The following CENPK variants were observed in gnomAD, a reference collection of about 807,000 sequenced individuals.
CENPK encodes the protein centromere protein K.
A neutral mutation model predicts 40.9 loss-of-function variants in CENPK; 46 were observed. The ratio of observed to expected loss-of-function variants is 1.13; its 90% confidence interval spans 0.89 to 1.44. CENPK has a LOEUF of 1.44. Among genes scored for constraint, CENPK ranks in the 40% most tolerant of loss-of-function variants. CENPK has a pLI of 0.00. For missense variants in CENPK, 288 were observed against 303.5 expected (o/e 0.95, Z 0.38); for synonymous variants, 107 against 104.4 (o/e 1.02, Z -0.15).
At chr5:65,514,077 T>C (rs1309794631), downstream of CENPK, among the ~76,000 whole-genome samples, 1 of 152,068 alleles carries the variant, frequency 6.6e-6, no homozygotes, top group Admixed American at 6.5e-5. Context: ...CTGTGGTGTA[T>C]AGTTTTTTGT....
Position 65,518,301 on chromosome 5 carries a change from A to G in CENPK, c.*174T>C. On this transcript the variant is annotated 3_prime_UTR_variant, in exon 11 of 11. Transcript: ENST00000396679. The stretch of plus-strand genomic sequence containing the variant: ...AAAACACTAAAGCACTCACTGAATA[A>G]GAAATGACCATTTAAAAATGAATAA... 1.7e-6 allele frequency: 1 copy of G among 602,760 alleles called. No individual in the cohort carries two copies. The highest frequency in any genetic ancestry group is 3.8e-4 in the Middle Eastern group (1 of 2,648). 37.3% of individuals were successfully genotyped at this position (602,760 alleles called of 1,614,324 possible).
At chr5:65,550,565 T>C (rs966880072) in intron 5 of CENPK, 1 of 152,182 alleles carries the variant, frequency 6.6e-6, no homozygotes, top group Non-Finnish European at 1.5e-5. Context: ...CAAAGACCAC[T>C]GATCACAGAT....
At chr5:65,516,999 G>A (rs1223977381), downstream of CENPK, among the ~76,000 whole-genome samples, 1 of 151,834 alleles carries the variant, frequency 6.6e-6, no homozygotes, top group Admixed American at 6.6e-5. Flanking sequence ...CTGGAGTGCA[G>A]TGGCGCAATC....
At chr5:65,516,015 A>T (rs965742542), downstream of CENPK, among the ~76,000 whole-genome samples, 1 of 152,230 alleles carries the variant, frequency 6.6e-6, no homozygotes, top group Non-Finnish European at 1.5e-5. Context: ...CAAAGAGAGC[A>T]AGCTTTCTGT....
intron 10 of CENPK, among the ~76,000 whole-genome samples, chr5:65,519,056 A>G (rs533234949): frequency 2.6e-5 from 4 of 152,332 alleles, no homozygotes; most frequent in African/African-American, 9.6e-5. Flanking sequence ...TTCTTCTGAT[A>G]AATCTTTGCA....
intron 9 of CENPK, among the ~76,000 whole-genome samples, chr5:65,522,951 T>G (rs1744046755): frequency 6.6e-6 from 1 of 152,224 alleles, no homozygotes; most frequent in Admixed American, 6.5e-5. Flanking sequence ...AGACAGCTAT[T>G]TTTTCCTTGT....
chr5:65,525,830 C>A (rs1433712811), intron 9 of CENPK, among the ~76,000 whole-genome samples: 5 of 151,856 alleles, frequency 3.3e-5, no homozygotes, highest in Non-Finnish European at 4.4e-5. Context: ...ACACAGTGAG[C>A]AAGTGGTCAC....
the CENPK span, among the ~76,000 whole-genome samples, chr5:65,508,063 T>G: frequency 6.6e-6 from 1 of 152,238 alleles, no homozygotes; most frequent in Non-Finnish European, 1.5e-5. Context: ...AGACATCTGA[T>G]TACCTGTGAT....
chr5:65,512,833 ATCC>A (rs748622810), downstream of CENPK, among the ~76,000 whole-genome samples: 3 of 152,196 alleles, frequency 2.0e-5, no homozygotes, highest in Non-Finnish European at 4.4e-5. Flanking sequence ...GTTGCTCCAC[ATCC>A]TCATCAGCCT....
chr5:65,516,150 GA>G (rs1248321265), downstream of CENPK, among the ~76,000 whole-genome samples: 1 of 152,134 alleles, frequency 6.6e-6, no homozygotes, highest in East Asian at 1.9e-4. Flanking sequence ...TAAATCTGGG[GA>G]AGAGGGGAAC....
intron 2 of CENPK, among the ~76,000 whole-genome samples, chr5:65,560,495 A>G (rs1366642637): frequency 6.6e-6 from 1 of 152,184 alleles, no homozygotes; most frequent in Non-Finnish European, 1.5e-5. Context: ...AATAATTAGT[A>G]AACTTTACGT....
chr5:65,499,050 A>T, the CENPK span, among the ~76,000 whole-genome samples: 1 of 151,450 alleles, frequency 6.6e-6, no homozygotes, highest in Non-Finnish European at 1.5e-5. Context: ...ATAGAGAATG[A>T]GGCCTCCCTT....
intron 6 of CENPK, chr5:65,541,460 G>A (rs1459215475): frequency 2.2e-6 from 1 of 456,170 alleles, no homozygotes; most frequent in Non-Finnish European, 4.4e-6. Context: ...GGTTGCTGGT[G>A]AGAATTCCCC....
downstream of CENPK, among the ~76,000 whole-genome samples, chr5:65,517,497 C>A (rs1408264096): frequency 6.6e-6 from 1 of 152,066 alleles, no homozygotes; most frequent in Non-Finnish European, 1.5e-5. Context: ...TTTGTATTTT[C>A]TACAGAGGGA....
chr5:65,499,668 T>TTTA, the CENPK span, among the ~76,000 whole-genome samples: 17 of 44,196 alleles, frequency 3.8e-4, no homozygotes, highest in Non-Finnish European at 5.1e-4. Flanking sequence ...TTTTTTTTAA[T>TTTA]TTTTTTTTTT....
chr5:65,547,602 G>A (rs1033013991), intron 5 of CENPK, among the ~76,000 whole-genome samples: 2 of 151,948 alleles, frequency 1.3e-5, no homozygotes, highest in Admixed American at 1.3e-4. Context: ...ATTAAAGCAA[G>A]AATATGGATA....
intron 6 of CENPK, among the ~76,000 whole-genome samples, chr5:65,534,767 T>C (rs1746572590): frequency 6.6e-6 from 1 of 152,234 alleles, no homozygotes; most frequent in Non-Finnish European, 1.5e-5. Context: ...TACTGAAACC[T>C]AAAACTTAAA....
chr5:65,544,725 G>C (rs1160973972), intron 5 of CENPK, among the ~76,000 whole-genome samples: 1 of 152,138 alleles, frequency 6.6e-6, no homozygotes, highest in Non-Finnish European at 1.5e-5. Context: ...ATTCTAACGT[G>C]CTACAACATG....
chr5:65,558,617 G>A lies in CENPK; in HGVS notation c.-40+2846C>T, dbSNP rs552346294. Among the ~76,000 whole-genome samples the A allele has an allele frequency of 2.6e-5, 4 of 152,286 alleles. No individual in the cohort carries two copies. The South Asian group carries it at 8.3e-4, about 32-fold the overall frequency. On this transcript the variant is annotated intron_variant, in intron 2 of 10. Transcript: ENST00000396679. ...ACAGATATATAAAAAAATGGGAGAG[G>A]ATAAAGTTACAGGATTATTCAGTAG...
Sources: allele counts gnomAD v4.1 joint callset (sites outside exome capture counted in the v4.1 genomes callset), GRCh38; gene constraint gnomAD v4.1.1; transcripts MANE v1.5; gene names NCBI Gene and HGNC (gene_info 2026-07-23, HGNC 2026-07-21).